Variants in QTGAL observed in about 807,000 individuals in gnomAD.
The protein encoded by QTGAL is queuosine-tRNA galactosyltransferase, also known as BGnT-like protein 1.
At chr17:82,981,885 T>A in the QTGAL span, 1 of 152,282 alleles carries the variant, frequency 6.6e-6, no homozygotes, top group East Asian at 1.9e-4. Flanking sequence ...TACAATGAAG[T>A]AAGCTGGAGA....
At chr17:83,048,818 G>C in the QTGAL span, 1 of 1,575,626 alleles carries the variant, frequency 6.3e-7, no homozygotes, top group Non-Finnish European at 8.7e-7. Context: ...TAACAGAAGT[G>C]TGAAAACTTA....
At chr17:82,961,033 C>T in the QTGAL span, 113 of 1,597,222 alleles carry the variant, frequency 7.1e-5, no homozygotes, top group East Asian at 3.4e-4. Context: ...TCAGGCGTCC[C>T]GGGGCCGGGC....
At chr17:83,001,427 A>G in the QTGAL span, among the ~76,000 whole-genome samples, 2 of 152,254 alleles carry the variant, frequency 1.3e-5, no homozygotes, top group Admixed American at 1.3e-4. Context: ...ACTGTGAAGA[A>G]AAAAGGAAGA....
At chr17:82,995,385 CTTTTTT>C in the QTGAL span, among the ~76,000 whole-genome samples, 2 of 141,280 alleles carry the variant, frequency 1.4e-5, no homozygotes, top group Admixed American at 7.1e-5. Context: ...ATTTCTTTTT[CTTTTTT>C]TTTTTTTTTG....
the QTGAL span, among the ~76,000 whole-genome samples, chr17:83,046,518 C>G: frequency 6.6e-4 from 100 of 152,312 alleles, 1 homozygote; most frequent in Middle Eastern, 0.01. Flanking sequence ...AAATGGAAAC[C>G]ACAGTGAGAC....
chr17:82,958,054 C>T, the QTGAL span, among the ~76,000 whole-genome samples: 19 of 152,116 alleles, frequency 1.2e-4, no homozygotes, highest in African/African-American at 3.9e-4. Context: ...CATCGCTGCC[C>T]GGGCCCTTCC....
At chr17:82,996,082 GA>G in the QTGAL span, among the ~76,000 whole-genome samples, 1 of 152,176 alleles carries the variant, frequency 6.6e-6, no homozygotes, top group South Asian at 2.1e-4. Context: ...ACTGATGCAA[GA>G]AATTAAAGAA....
At chr17:82,942,150 T>C in the QTGAL span, 1 of 538,488 alleles carries the variant, frequency 1.9e-6, no homozygotes, top group African/African-American at 1.9e-5. Context: ...ACTTTGGAAT[T>C]AAATGTGCTT....
chr17:83,002,501 A>G, the QTGAL span, among the ~76,000 whole-genome samples: 1 of 152,234 alleles, frequency 6.6e-6, no homozygotes, highest in African/African-American at 2.4e-5. Context: ...CCTAGTCACC[A>G]GGACACGCGC....
At chr17:83,012,810 A>G in the QTGAL span, among the ~76,000 whole-genome samples, 1 of 151,914 alleles carries the variant, frequency 6.6e-6, no homozygotes, top group Non-Finnish European at 1.5e-5. Flanking sequence ...CCCACAAAGG[A>G]ACTGGACTGG....
the QTGAL span, among the ~76,000 whole-genome samples, chr17:83,000,479 T>C: frequency 6.6e-6 from 1 of 152,240 alleles, no homozygotes; most frequent in Non-Finnish European, 1.5e-5. Context: ...GTTTAATTTC[T>C]CTAAACTGTG....
the QTGAL span, chr17:83,007,182 T>C: frequency 3.1e-6 from 3 of 974,546 alleles, no homozygotes; most frequent in Non-Finnish European, 3.7e-6. Context: ...ATTCTTTTCA[T>C]ATGCTGCTGA....
At chr17:83,016,425 G>A in the QTGAL span, among the ~76,000 whole-genome samples, 1 of 151,878 alleles carries the variant, frequency 6.6e-6, no homozygotes, top group Non-Finnish European at 1.5e-5. Flanking sequence ...AGGAGGCTGG[G>A]GACAGAGGGG....
chr17:82,951,303 C>T, the QTGAL span, among the ~76,000 whole-genome samples: 5 of 152,346 alleles, frequency 3.3e-5, 1 homozygote, highest in African/African-American at 1.2e-4. Context: ...GAGCCTGCTG[C>T]CTCACCTCAC....
the QTGAL span, among the ~76,000 whole-genome samples, chr17:82,993,117 T>C: frequency 1.3e-5 from 2 of 152,212 alleles, no homozygotes; most frequent in East Asian, 3.9e-4. Context: ...TAAGTCCTTA[T>C]TTATCAATAG....
the QTGAL span, among the ~76,000 whole-genome samples, chr17:83,040,438 A>G: frequency 6.6e-6 from 1 of 152,204 alleles, no homozygotes; most frequent in African/African-American, 2.4e-5. Context: ...ATTACAATCA[A>G]AGCTAAGAAC....
At chr17:82,953,327 G>C in the QTGAL span, among the ~76,000 whole-genome samples, 1 of 151,672 alleles carries the variant, frequency 6.6e-6, no homozygotes. Flanking sequence ...AAAGATAAAG[G>C]GGCTGTCACC....
At chr17:83,043,976 TAA>T in the QTGAL span, among the ~76,000 whole-genome samples, 52,130 of 151,532 alleles carry the variant, frequency 0.34, 9,068 homozygotes, top group African/African-American at 0.4. Context: ...CTATAACAAA[TAA>T]AGAGATTGAC....
the QTGAL span, chr17:82,957,642 A>G: frequency 8.4e-7 from 1 of 1,189,228 alleles, no homozygotes; most frequent in Admixed American, 2.8e-5. Context: ...GCTGTCCTAC[A>G]GTCAGGCCAC....
Sources: gnomAD v4.1 joint callset for allele counts (sites outside exome capture counted in the v4.1 genomes callset) on GRCh38, gnomAD v4.1.1 for gene constraint, MANE v1.5 for transcripts, NCBI Gene and HGNC (gene_info 2026-07-23, HGNC 2026-07-21) for gene names.